Variants in UNC5D observed in about 807,000 individuals in gnomAD.
UNC5D encodes the protein netrin receptor UNC5D.
In UNC5D, 39 loss-of-function variants were observed where a neutral mutation model predicts 105.4. The observed-to-expected ratio is 0.37, with a 90% CI of 0.29 to 0.48. The LOEUF (loss-of-function observed/expected upper bound fraction) is 0.48. Ranked by LOEUF, UNC5D falls within the 20% of genes least tolerant of loss-of-function variation. The probability of loss-of-function intolerance (pLI) is 0.98; values close to 1 mark genes in which losing one functional copy is unlikely to be tolerated. For synonymous variants in UNC5D, 452 were observed against 450.4 expected (o/e 1.00, Z -0.04); for missense variants, 991 against 1,202.4 (o/e 0.82, Z 2.60).
intron 1 of UNC5D, among the ~76,000 whole-genome samples, chr8:35,382,742 C>T (rs142902217): frequency 3.9e-5 from 6 of 152,148 alleles, no homozygotes; most frequent in Admixed American, 6.5e-5. Flanking sequence ...CATTAACACT[C>T]GCCAGCTTAC....
intron 1 of UNC5D, among the ~76,000 whole-genome samples, chr8:35,431,853 A>C (rs1806663735): frequency 6.6e-6 from 1 of 152,124 alleles, no homozygotes; most frequent in South Asian, 2.1e-4. Context: ...ATGAATTCGG[A>C]TTTAACTCAA....
chr8:35,331,999 CTCA>C (rs1455327252), intron 1 of UNC5D, among the ~76,000 whole-genome samples: 1 of 152,156 alleles, frequency 6.6e-6, no homozygotes, highest in African/African-American at 2.4e-5. Context: ...AGGTAGTAAA[CTCA>C]TCTTCTAATA....
At chr8:35,787,560 A>T (rs1802804213) in intron 16 of UNC5D, among the ~76,000 whole-genome samples, 1 of 152,198 alleles carries the variant, frequency 6.6e-6, no homozygotes, top group Admixed American at 6.5e-5. Context: ...CCCTACAAAC[A>T]TCTCTACATG....
At chr8:35,772,784 A>C (rs1267441199) in intron 15 of UNC5D, among the ~76,000 whole-genome samples, 2 of 144,214 alleles carry the variant, frequency 1.4e-5, no homozygotes, top group East Asian at 4.1e-4. Flanking sequence ...GCATGTTCTC[A>C]TCTGGAGCTC....
At chr8:35,339,454 GA>G (rs781369792) in intron 1 of UNC5D, among the ~76,000 whole-genome samples, 1 of 152,202 alleles carries the variant, frequency 6.6e-6, no homozygotes, top group Non-Finnish European at 1.5e-5. Context: ...TGCTCAAAGT[GA>G]AGTCTACAGA....
chr8:35,533,811 C>T (rs188567781), intron 1 of UNC5D, among the ~76,000 whole-genome samples: 2 of 152,292 alleles, frequency 1.3e-5, no homozygotes, highest in Non-Finnish European at 2.9e-5. Flanking sequence ...CCCGATTTTC[C>T]AAGTGCGTCC....
At chr8:35,288,888 C>T (rs777939860) in intron 1 of UNC5D, among the ~76,000 whole-genome samples, 7 of 152,092 alleles carry the variant, frequency 4.6e-5, no homozygotes, top group Admixed American at 2.0e-4. Context: ...CAAAGCATAT[C>T]ACCACAGAAA....
At chr8:35,267,590 C>A (rs2128829630) in intron 1 of UNC5D, among the ~76,000 whole-genome samples, 1 of 152,254 alleles carries the variant, frequency 6.6e-6, no homozygotes, top group South Asian at 2.1e-4. Flanking sequence ...AGGCACCCAC[C>A]ACCATGCCCA....
chr8:35,570,969 A>G (rs985039323), intron 3 of UNC5D, among the ~76,000 whole-genome samples: 2 of 151,488 alleles, frequency 1.3e-5, no homozygotes, highest in Non-Finnish European at 2.9e-5. Flanking sequence ...GAAAGAAAGA[A>G]AGAGAGAGAG....
chr8:35,291,224 GAAAC>G (rs1005571521), intron 1 of UNC5D, among the ~76,000 whole-genome samples: 7 of 152,124 alleles, frequency 4.6e-5, no homozygotes, highest in African/African-American at 1.7e-4. Context: ...TACTAGTAAG[GAAAC>G]AAACTGAAAG....
At chr8:35,651,701 A>G (rs903110466) in intron 4 of UNC5D, among the ~76,000 whole-genome samples, 36 of 152,110 alleles carry the variant, frequency 2.4e-4, no homozygotes, top group African/African-American at 8.2e-4. Flanking sequence ...ACCTTTCACT[A>G]TATATAATGT....
At chr8:35,633,329 T>C (rs775399523) in intron 4 of UNC5D, among the ~76,000 whole-genome samples, 59 of 152,248 alleles carry the variant, frequency 3.9e-4, no homozygotes, top group Non-Finnish European at 7.5e-4. Flanking sequence ...GTCTCATCTT[T>C]TTCTGATTTA....
At chr8:35,545,425 G>GA (rs1563520622) in intron 1 of UNC5D, among the ~76,000 whole-genome samples, 2 of 151,942 alleles carry the variant, frequency 1.3e-5, no homozygotes, top group African/African-American at 2.4e-5. Flanking sequence ...TTGGAGAGGG[G>GA]GAGAGAGGTG....
intron 4 of UNC5D, among the ~76,000 whole-genome samples, chr8:35,644,257 G>A (rs1450046961): frequency 6.6e-6 from 1 of 152,026 alleles, no homozygotes; most frequent in African/African-American, 2.4e-5. Context: ...AGACAGAAGT[G>A]GTTAACAGAG....
chr8:35,399,868 G>A (rs1266542644), intron 1 of UNC5D, among the ~76,000 whole-genome samples: 1 of 152,090 alleles, frequency 6.6e-6, no homozygotes, highest in Non-Finnish European at 1.5e-5. Context: ...AGTAATAATA[G>A]GCATTTGACA....
intron 4 of UNC5D, among the ~76,000 whole-genome samples, chr8:35,676,383 A>C (rs1344680298): frequency 6.6e-6 from 1 of 152,172 alleles, no homozygotes; most frequent in Non-Finnish European, 1.5e-5. Context: ...CAGATAAAGA[A>C]TTGTTCATCC....
chr8:35,749,690 T>C (rs2131637570), intron 12 of UNC5D, among the ~76,000 whole-genome samples: 1 of 152,304 alleles, frequency 6.6e-6, no homozygotes, highest in Non-Finnish European at 1.5e-5. Context: ...TAAAGGGCCA[T>C]GTTTTAGTCC....
intron 1 of UNC5D, among the ~76,000 whole-genome samples, chr8:35,398,820 T>A (rs1804263173): frequency 6.6e-6 from 1 of 152,142 alleles, no homozygotes; most frequent in African/African-American, 2.4e-5. Context: ...ATTTCATTCT[T>A]TAAATTTTTA....
chr8:35,720,647 A>G (rs1828525805), intron 8 of UNC5D, among the ~76,000 whole-genome samples: 1 of 152,174 alleles, frequency 6.6e-6, no homozygotes, highest in Non-Finnish European at 1.5e-5. Flanking sequence ...CACACGTGGA[A>G]ACTGAGGCTG....
Sources: gnomAD v4.1 joint callset for allele counts (sites outside exome capture counted in the v4.1 genomes callset) on GRCh38, gnomAD v4.1.1 for gene constraint, MANE v1.5 for transcripts, NCBI Gene and HGNC (gene_info 2026-07-23, HGNC 2026-07-21) for gene names.